Variants in KCNJ3 observed in about 807,000 individuals in gnomAD.
KCNJ3 encodes the protein potassium inwardly rectifying channel subfamily J member 3.
A neutral mutation model predicts 39.2 loss-of-function variants in KCNJ3; 4 were observed. The ratio of observed to expected loss-of-function variants is 0.10; its 90% CI spans 0.05 to 0.23. KCNJ3 has a LOEUF of 0.23. Among genes scored for constraint, KCNJ3 ranks in the 10% least tolerant of loss-of-function variants. KCNJ3 has a pLI of 1.00. For missense variants in KCNJ3, 276 were observed against 634.9 expected (o/e 0.43, Z 6.08); for synonymous variants, 230 against 237.4 (o/e 0.97, Z 0.29).
intron 1 of KCNJ3, among the ~76,000 whole-genome samples, chr2:154,705,838 A>T (rs1207867283): frequency 2.0e-5 from 3 of 152,142 alleles, no homozygotes; most frequent in East Asian, 3.9e-4. Flanking sequence ...AACTCCCAGA[A>T]TTTTTTGTAA....
intron 2 of KCNJ3, among the ~76,000 whole-genome samples, chr2:154,816,111 T>C (rs527523128): frequency 2.0e-5 from 3 of 152,326 alleles, no homozygotes; most frequent in Non-Finnish European, 4.4e-5. Flanking sequence ...AAACTGTGAA[T>C]GATATAATGA....
chr2:154,724,999 C>T (rs181099854), intron 2 of KCNJ3, among the ~76,000 whole-genome samples: 4 of 146,976 alleles, frequency 2.7e-5, no homozygotes, highest in Non-Finnish European at 5.9e-5. Flanking sequence ...TAATGACTCA[C>T]CTGGGCTTTT....
intron 2 of KCNJ3, among the ~76,000 whole-genome samples, chr2:154,714,346 CT>C (rs1685148250): frequency 6.6e-6 from 1 of 152,130 alleles, no homozygotes; most frequent in African/African-American, 2.4e-5. Flanking sequence ...CTTTCTCTCT[CT>C]CTTTTTTCTT....
At chr2:154,751,842 C>T (rs541166252) in intron 2 of KCNJ3, among the ~76,000 whole-genome samples, 3 of 152,058 alleles carry the variant, frequency 2.0e-5, no homozygotes, top group African/African-American at 7.2e-5. Flanking sequence ...ACATACTTTT[C>T]CTTCTGTGTT....
At chr2:154,836,030 G>A (rs1445900591) in intron 2 of KCNJ3, among the ~76,000 whole-genome samples, 2 of 151,820 alleles carry the variant, frequency 1.3e-5, no homozygotes, top group Non-Finnish European at 2.9e-5. Flanking sequence ...GGCCAACATG[G>A]CGAAACCCTG....
At chr2:154,809,812 C>T (rs1029405039) in intron 2 of KCNJ3, among the ~76,000 whole-genome samples, 1 of 151,898 alleles carries the variant, frequency 6.6e-6, no homozygotes, top group Admixed American at 6.6e-5. Flanking sequence ...GTTTTTATAC[C>T]TGTGTGTGAA....
chr2:154,718,742 T>C (rs1685220103), intron 2 of KCNJ3, among the ~76,000 whole-genome samples: 1 of 152,180 alleles, frequency 6.6e-6, no homozygotes, highest in Non-Finnish European at 1.5e-5. Context: ...TTGCAGTGTT[T>C]TATAGAAAAT....
chr2:154,750,672 C>T (rs956947104), intron 2 of KCNJ3, among the ~76,000 whole-genome samples: 17 of 151,794 alleles, frequency 1.1e-4, no homozygotes, highest in African/African-American at 4.1e-4. Flanking sequence ...ATTTTTTCAC[C>T]GTCCAGAACT....
At chr2:154,822,706 A>G (rs34239300) in intron 2 of KCNJ3, among the ~76,000 whole-genome samples, 2 of 152,028 alleles carry the variant, frequency 1.3e-5, no homozygotes, top group Non-Finnish European at 2.9e-5. Context: ...TGCTAATTAG[A>G]TATTTTTAAA....
intron 2 of KCNJ3, among the ~76,000 whole-genome samples, chr2:154,822,548 T>G (rs534524158): frequency 6.4e-4 from 98 of 152,290 alleles, no homozygotes; most frequent in African/African-American, 2.3e-3. Context: ...ATGAACTCAG[T>G]TTAGTTAATG....
chr2:154,818,904 G>A (rs2652458), intron 2 of KCNJ3, among the ~76,000 whole-genome samples: 21,698 of 130,602 alleles, frequency 0.17, 2,128 homozygotes, highest in East Asian at 0.38. Context: ...AGCTTGAGCT[G>A]TAGCTGCAAA....
intron 2 of KCNJ3, among the ~76,000 whole-genome samples, chr2:154,787,024 G>A (rs933329839): frequency 6.6e-5 from 10 of 152,068 alleles, no homozygotes; most frequent in Non-Finnish European, 1.0e-4. Flanking sequence ...TAATGATAAC[G>A]GTTGGCTTAT....
chr2:154,742,163 T>C (rs1474933711), intron 2 of KCNJ3, among the ~76,000 whole-genome samples: 2 of 151,910 alleles, frequency 1.3e-5, no homozygotes, highest in Non-Finnish European at 2.9e-5. Flanking sequence ...TGACTTATTT[T>C]ACCTACCATA....
chr2:154,700,769 A>T (rs1177218280), intron 1 of KCNJ3, among the ~76,000 whole-genome samples: 2 of 152,134 alleles, frequency 1.3e-5, no homozygotes, highest in Admixed American at 1.3e-4. Flanking sequence ...CACTTACAAG[A>T]TCTTACCATA....
chr2:154,721,982 T>C (rs1348633000), intron 2 of KCNJ3, among the ~76,000 whole-genome samples: 6 of 152,212 alleles, frequency 3.9e-5, no homozygotes, highest in Non-Finnish European at 5.9e-5. Context: ...ATAAAGACTA[T>C]ATTTTGTTAA....
intron 2 of KCNJ3, among the ~76,000 whole-genome samples, chr2:154,832,403 T>C (rs1992703): frequency 0.2 from 30,589 of 152,162 alleles, 3,361 homozygotes; most frequent in East Asian, 0.37. Context: ...TCTTGAAACA[T>C]AGTCTATGCA....
chr2:154,834,936 GAATT>G (rs78678060), intron 2 of KCNJ3, among the ~76,000 whole-genome samples: 28,733 of 150,996 alleles, frequency 0.19, 3,139 homozygotes, highest in East Asian at 0.41. Flanking sequence ...ATAGCTTTAT[GAATT>G]ATTTTAATCA....
intron 2 of KCNJ3, among the ~76,000 whole-genome samples, chr2:154,718,814 G>A (rs1328936847): frequency 6.6e-6 from 1 of 152,094 alleles, no homozygotes; most frequent in Non-Finnish European, 1.5e-5. Flanking sequence ...GTGGGAGGCT[G>A]GTATGGGTGA....
intron 2 of KCNJ3, among the ~76,000 whole-genome samples, chr2:154,733,166 C>CT (rs891058526): frequency 6.6e-6 from 1 of 152,034 alleles, no homozygotes; most frequent in Non-Finnish European, 1.5e-5. Flanking sequence ...TTCTATTTTA[C>CT]TTTTTTTATT....
Sources: gnomAD v4.1 joint callset for allele counts (sites outside exome capture counted in the v4.1 genomes callset) on GRCh38, gnomAD v4.1.1 for gene constraint, MANE v1.5 for transcripts, NCBI Gene and HGNC (gene_info 2026-07-23, HGNC 2026-07-21) for gene names.